CENPK: variants seen among roughly 807,000 people sequenced by gnomAD.
CENPK encodes centromere protein K.
Under a neutral mutation model 40.9 loss-of-function variants are expected in CENPK, and 46 were observed. That is an observed-to-expected ratio of 1.13 (90% CI 0.89 to 1.44). The LOEUF is 1.44. CENPK is among the 40% of genes most tolerant of loss of function. The probability of loss-of-function intolerance (pLI) is 0.00; values close to 1 mark genes in which losing one functional copy is unlikely to be tolerated. For synonymous variants in CENPK, 107 were observed against 104.4 expected (o/e 1.02, Z -0.15); for missense variants, 288 against 303.5 (o/e 0.95, Z 0.38).
intron 9 of CENPK, among the ~76,000 whole-genome samples, chr5:65,525,815 T>G (rs1433626886): frequency 6.6e-6 from 1 of 152,140 alleles, no homozygotes; most frequent in Non-Finnish European, 1.5e-5. Context: ...GAGCCCAATG[T>G]GAGAACACAG....
chr5:65,552,359 T>C (rs916222105), intron 4 of CENPK, 134 bp downstream of exon 4: 4 of 482,798 alleles, frequency 8.3e-6, no homozygotes, highest in Non-Finnish European at 1.5e-5. Flanking sequence ...GAGTAAGAAG[T>C]TTTCCAAATG....
intron 6 of CENPK, among the ~76,000 whole-genome samples, chr5:65,532,637 T>C (rs570631983): frequency 6.6e-6 from 1 of 151,980 alleles, no homozygotes; most frequent in Non-Finnish European, 1.5e-5. Context: ...GATGGGACGG[T>C]GGTGGGTCTT....
At chr5:65,526,790 C>A (rs1744782692) in intron 9 of CENPK, among the ~76,000 whole-genome samples, 1 of 152,088 alleles carries the variant, frequency 6.6e-6, no homozygotes, top group South Asian at 2.1e-4. Context: ...AAGACCTCGT[C>A]TCTAAAAAAC....
At chr5:65,522,549 C>CT (rs1056356501) in intron 9 of CENPK, among the ~76,000 whole-genome samples, 4 of 152,178 alleles carry the variant, frequency 2.6e-5, no homozygotes, top group African/African-American at 9.7e-5. Context: ...CCACCTCAGC[C>CT]TCCCGAGTAG....
intron 9 of CENPK, among the ~76,000 whole-genome samples, chr5:65,522,638 C>A (rs1319335797): frequency 2.6e-5 from 4 of 152,134 alleles, no homozygotes; most frequent in Non-Finnish European, 4.4e-5. Flanking sequence ...GCTACGTTGT[C>A]CAAGCTGGTC....
chr5:65,504,248 G>C, the CENPK span, among the ~76,000 whole-genome samples: 1 of 151,746 alleles, frequency 6.6e-6, no homozygotes, highest in Non-Finnish European at 1.5e-5. Context: ...CCTGAGGTGA[G>C]GAGTTCGAGA....
the CENPK span, among the ~76,000 whole-genome samples, chr5:65,504,316 C>G: frequency 5.7e-4 from 87 of 151,914 alleles, no homozygotes; most frequent in African/African-American, 1.9e-3. Context: ...ATTAGCCGGA[C>G]TTGGTGGCAC....
chr5:65,514,919 T>C (rs79781605), downstream of CENPK, among the ~76,000 whole-genome samples: 2,923 of 152,056 alleles, frequency 0.019, 70 homozygotes, highest in African/African-American at 0.058. Context: ...GCACCTCTTT[T>C]CATTTCTGAT....
At chr5:65,547,435 G>T (rs66889039) in intron 5 of CENPK, among the ~76,000 whole-genome samples, 52,894 of 150,382 alleles carry the variant, frequency 0.35, 9,724 homozygotes, top group East Asian at 0.58. Context: ...TTTTTGAGAT[G>T]CTAAATATAC....
chr5:65,529,108 TAAAC>T lies in CENPK; in HGVS notation c.371+5_371+8del, dbSNP rs1056941169. ...TGAATGATTAATAGTAATTGTAACA[TAAAC>T]AAACCTTTCTAAGTCTTCCTTTAAC... On this transcript the variant is annotated splice_donor_5th_base_variant and intron_variant, in intron 7 of 10. Transcript: ENST00000396679. 11 of 1,588,704 alleles carry T rather than the reference TAAAC, an allele frequency of 6.9e-6. No individual in the cohort carries two copies. In the African/African-American group the frequency reaches 1.3e-4, roughly 19 times the overall value.
chr5:65,520,224 T>C (rs1743469353), intron 10 of CENPK, among the ~76,000 whole-genome samples: 1 of 152,096 alleles, frequency 6.6e-6, no homozygotes, highest in African/African-American at 2.4e-5. Flanking sequence ...CCCCTCCCTC[T>C]TGCTCCCACT....
chr5:65,534,694 C>T (rs1365426364), intron 6 of CENPK, among the ~76,000 whole-genome samples: 1 of 152,036 alleles, frequency 6.6e-6, no homozygotes, highest in African/African-American at 2.4e-5. Flanking sequence ...ACAAATGACC[C>T]GATATCACTA....
At chr5:65,521,601 A>C (rs775445311) in intron 9 of CENPK, 73 bp from the exon 10 acceptor site, 2 of 1,024,312 alleles carry the variant, frequency 2.0e-6, no homozygotes, top group African/African-American at 3.3e-5. Context: ...GACTGTTTTT[A>C]TAAGACTTTT....
At chr5:65,544,608 T>TA (rs1748566775) in intron 5 of CENPK, among the ~76,000 whole-genome samples, 1 of 152,190 alleles carries the variant, frequency 6.6e-6, no homozygotes, top group Non-Finnish European at 1.5e-5. Flanking sequence ...ACATTCACAG[T>TA]AATGAAATTA....
chr5:65,515,871 A>T (rs930487414), downstream of CENPK, among the ~76,000 whole-genome samples: 1 of 152,250 alleles, frequency 6.6e-6, no homozygotes, highest in Non-Finnish European at 1.5e-5. Context: ...ACACTAGGTG[A>T]CTTAAGCAAC....
intron 6 of CENPK, among the ~76,000 whole-genome samples, chr5:65,534,184 A>C (rs1050235144): frequency 6.6e-6 from 1 of 152,172 alleles, no homozygotes; most frequent in Non-Finnish European, 1.5e-5. Context: ...GAAAACTACA[A>C]AACACTGGTG....
In CENPK at chr5:65,518,327, T is replaced by C. The variant is rs963780201; in HGVS notation, c.*148A>G. 2 of 694,814 alleles carry C rather than the reference T, an allele frequency of 2.9e-6. No homozygotes were observed. The highest frequency in any genetic ancestry group is 1.8e-5 in the African/African-American group (1 of 54,944). The allele number at this position is 694,814 out of a possible 1,614,324, so 43.0% of individuals were successfully genotyped here. A position where few individuals can be genotyped will look rare whatever the true frequency, so the allele number is the denominator to read the frequency against. On this transcript the variant is annotated 3_prime_UTR_variant, in exon 11 of 11. Transcript: ENST00000396679. Reference sequence around the variant, plus strand: ...GAAATGACCATTTAAAAATGAATAATAGATGGCAGCACATGCCATTTTGCA... The same window carrying C: ...GAAATGACCATTTAAAAATGAATAACAGATGGCAGCACATGCCATTTTGCA...
intron 9 of CENPK, among the ~76,000 whole-genome samples, chr5:65,521,780 T>C (rs1440642321): frequency 2.0e-5 from 3 of 152,210 alleles, no homozygotes; most frequent in Non-Finnish European, 4.4e-5. Context: ...TTTGTATTTT[T>C]AGTAGATATG....
intron 9 of CENPK, among the ~76,000 whole-genome samples, chr5:65,528,244 GC>G (rs796765910): frequency 5.7e-5 from 5 of 87,732 alleles, no homozygotes; most frequent in African/African-American, 2.2e-4. Flanking sequence ...CTGTCCCCCC[GC>G]CCCCCTGCCC....
Sources: allele counts gnomAD v4.1 joint callset (sites outside exome capture counted in the v4.1 genomes callset), GRCh38; gene constraint gnomAD v4.1.1; transcripts MANE v1.5; gene names NCBI Gene and HGNC (gene_info 2026-07-23, HGNC 2026-07-21).